Variants in PDE8A observed in about 807,000 individuals in gnomAD.
PDE8A encodes the protein phosphodiesterase 8A.
Under a neutral mutation model 105.0 loss-of-function variants are expected in PDE8A, and 59 were observed. The ratio of observed to expected loss-of-function variants is 0.56; its 90% CI spans 0.46 to 0.70. The LOEUF (loss-of-function observed/expected upper bound fraction) is 0.70. Among genes scored for constraint, PDE8A ranks in the 30% least tolerant of loss-of-function variants. The pLI, the probability that PDE8A is intolerant of heterozygous loss-of-function variation, is 0.00. For missense variants in PDE8A, 1,014 were observed against 1,045.9 expected, an observed-to-expected ratio of 0.97 and a Z score of 0.42; for synonymous variants, 355 against 371.9, an observed-to-expected ratio of 0.95 and a Z score of 0.52.
At chr15:85,010,252 T>C (rs1330393263) in intron 1 of PDE8A, among the ~76,000 whole-genome samples, 1 of 152,240 alleles carries the variant, frequency 6.6e-6, no homozygotes, top group Non-Finnish European at 1.5e-5. Flanking sequence ...TTCTTTTCTG[T>C]AAGTATGTTA....
intron 17 of PDE8A, among the ~76,000 whole-genome samples, chr15:85,119,989 T>C (rs2082155776): frequency 6.6e-6 from 1 of 152,050 alleles, no homozygotes; most frequent in South Asian, 2.1e-4. Flanking sequence ...ATAGGTGAAG[T>C]TCTAGCCAAA....
At chr15:85,033,292 T>C (rs2080646759) in intron 1 of PDE8A, among the ~76,000 whole-genome samples, 1 of 152,174 alleles carries the variant, frequency 6.6e-6, no homozygotes, top group South Asian at 2.1e-4. Flanking sequence ...GGAGCTTCCC[T>C]GCAGTTAGTT....
chr15:85,027,299 A>G (rs1195862424), intron 1 of PDE8A, among the ~76,000 whole-genome samples: 1 of 152,182 alleles, frequency 6.6e-6, no homozygotes, highest in Non-Finnish European at 1.5e-5. Flanking sequence ...AATGAAGAGG[A>G]CATACTTCTT....
At chr15:85,101,563 A>G (rs2081862682) in intron 11 of PDE8A, among the ~76,000 whole-genome samples, 1 of 152,192 alleles carries the variant, frequency 6.6e-6, no homozygotes, top group Admixed American at 6.5e-5. Flanking sequence ...ATCTGTGGAC[A>G]GTGGGAGTCT....
chr15:85,122,698 G>A (rs2082200404), intron 18 of PDE8A, among the ~76,000 whole-genome samples: 1 of 152,134 alleles, frequency 6.6e-6, no homozygotes, highest in Non-Finnish European at 1.5e-5. Flanking sequence ...CTATGATTTC[G>A]CAGCTTTCAG....
Position 85,115,973 on chromosome 15 carries a change from T to C in PDE8A, c.1400-11T>C. The C allele has an allele frequency of 6.3e-7, 1 of 1,593,696 alleles. No individual in the cohort carries two copies. Among genetic ancestry groups the C allele is most frequent in the South Asian group, 1.1e-5 (1 of 89,922 alleles). ...AAGCCTATTTGTTCTCCAAATTACA[T>C]CACTTTACAGACACTCAAATGGTTT... On this transcript the variant is annotated splice_polypyrimidine_tract_variant and intron_variant, in intron 15 of 21. Coordinates refer to ENST00000394553, the MANE Select transcript of PDE8A (RefSeq NM_002605.3).
chr15:85,097,955 A>G lies in PDE8A; in HGVS notation c.860A>G (p.Gln287Arg). 1 of 1,561,984 alleles carries G rather than the reference A, an allele frequency of 6.4e-7. No individual in the cohort carries two copies. Among genetic ancestry groups the G allele is most frequent in the Non-Finnish European group, 8.8e-7 (1 of 1,132,920 alleles). ...CTTACATTCCATTTATAGGAGTGGC[A>G]AGGAATTTACTATGCCAAAAAGAAA... ...NSCIRIGKEW[Q>R]GIYYAKKKNG... Residue 287 changes from glutamine to arginine, a missense_variant, in exon 9 of 22, where the codon CAA becomes CGA. Physicochemically the swap from Gln to Arg is conservative, Grantham distance 43. Coordinates refer to ENST00000394553, the MANE Select transcript of PDE8A (RefSeq NM_002605.3).
At chr15:85,044,546 A>C (rs2080859373) in intron 1 of PDE8A, among the ~76,000 whole-genome samples, 1 of 152,224 alleles carries the variant, frequency 6.6e-6, no homozygotes, top group African/African-American at 2.4e-5. Context: ...TCCATGCCAC[A>C]ATGATAGAAA....
At chr15:85,006,825 A>G (rs1006800104) in intron 1 of PDE8A, among the ~76,000 whole-genome samples, 1 of 152,140 alleles carries the variant, frequency 6.6e-6, no homozygotes, top group Non-Finnish European at 1.5e-5. Context: ...GGGCATGTAT[A>G]TGATGTCCCT....
At chr15:85,044,304 A>G (rs1281429426) in intron 1 of PDE8A, among the ~76,000 whole-genome samples, 1 of 152,182 alleles carries the variant, frequency 6.6e-6, no homozygotes, top group East Asian at 1.9e-4. Flanking sequence ...CACAAGGTTC[A>G]CAGTAAATAT....
At chr15:85,108,747 G>A (rs1351884240) in intron 11 of PDE8A, among the ~76,000 whole-genome samples, 4 of 152,024 alleles carry the variant, frequency 2.6e-5, no homozygotes, top group Admixed American at 2.0e-4. Context: ...CAATTATATA[G>A]AAATATAATA....
In PDE8A at chr15:85,126,362, A is replaced by G. The variant is rs376605008; in HGVS notation, c.2241A>G (p.Glu747=). The G allele has an allele frequency of 1.0e-5, 16 of 1,579,512 alleles. No individual in the cohort carries two copies. The Admixed American group carries it at 1.7e-4, about 17-fold the overall frequency. Reference sequence around the variant, plus strand: ...AGTGGGCTGCACGCATTTCGGAAGAATATTTTTCTCAGGTAAGTTGCTGCC... The same window carrying G: ...AGTGGGCTGCACGCATTTCGGAAGAGTATTTTTCTCAGGTAAGTTGCTGCC... ...CIEWAARISE[E]YFSQTDEEKQ... is the part of the protein sequence containing the mutation. The change falls in exon 20 of 22, where the codon GAA becomes GAG. Residue 747 remains glutamate (E), a synonymous_variant. Coordinates refer to ENST00000394553, the MANE Select transcript of PDE8A (RefSeq NM_002605.3).
chr15:85,064,837 G>T (rs145219155), intron 2 of PDE8A, among the ~76,000 whole-genome samples: 74 of 151,998 alleles, frequency 4.9e-4, no homozygotes, highest in African/African-American at 1.7e-3. Context: ...GGACATGGGG[G>T]TGTGTGTGCC....
intron 9 of PDE8A, chr15:85,099,772 T>C (rs2081827222): frequency 2.0e-6 from 1 of 502,968 alleles, no homozygotes; most frequent in Admixed American, 3.8e-5. Context: ...TATATTTGAT[T>C]GTCTCATGAT....
intron 17 of PDE8A, among the ~76,000 whole-genome samples, chr15:85,119,556 T>A (rs2082149859): frequency 6.6e-6 from 1 of 151,078 alleles, no homozygotes; most frequent in Non-Finnish European, 1.5e-5. Flanking sequence ...TTAATTTAAA[T>A]CAATTTAAAT....
At position 85,138,279 on chromosome 15, in the gene PDE8A, G is replaced by A. The variant is rs892619771; in HGVS notation, c.*376G>A. 1.2e-5 allele frequency: 2 copies of A among 168,014 alleles called. No homozygotes were observed. Among genetic ancestry groups the A allele is most frequent in the Non-Finnish European group, 2.6e-5 (2 of 78,382 alleles). 10.4% of individuals were successfully genotyped at this position (168,014 alleles called of 1,614,324 possible). A position where few individuals can be genotyped will look rare whatever the true frequency, so the allele number is the denominator to read the frequency against. Reference sequence around the variant, plus strand: ...TCTCTCAGTTACGTTCAGCACTTAAGAACGGCTAATGGCAATAGGATCTTT... The same window carrying A: ...TCTCTCAGTTACGTTCAGCACTTAAAAACGGCTAATGGCAATAGGATCTTT... On this transcript the variant is annotated 3_prime_UTR_variant, in exon 22 of 22. Coordinates refer to ENST00000394553, the MANE Select transcript of PDE8A (RefSeq NM_002605.3).
intron 15 of PDE8A, 55 bp from the exon 16 acceptor site, chr15:85,115,929 A>C: frequency 6.5e-7 from 1 of 1,542,108 alleles, no homozygotes; most frequent in East Asian, 2.3e-5. Context: ...CAAAAAAAAA[A>C]AAAAAAGTTA....
chr15:85,112,776 C>T lies in PDE8A; in HGVS notation c.1115-601C>T, dbSNP rs1376305121. ...TTCTGCCTATATTGCCTGGGCTTCT[C>T]CTCACCCCAAAGGAACCATATCTTG... On this transcript the variant is annotated intron_variant, in intron 12 of 21. Transcript: ENST00000394553. Among the ~76,000 whole-genome samples the T allele has an allele frequency of 2.0e-5, 3 of 152,176 alleles. No homozygotes were observed. In the East Asian group the frequency reaches 5.8e-4, roughly 29 times the overall value.
At chr15:85,044,680 T>A (rs2080861031) in intron 1 of PDE8A, among the ~76,000 whole-genome samples, 1 of 152,246 alleles carries the variant, frequency 6.6e-6, no homozygotes, top group South Asian at 2.1e-4. Flanking sequence ...TCTGTTTATC[T>A]CTGTGGCCGG....
Sources: allele counts gnomAD v4.1 joint callset (sites outside exome capture counted in the v4.1 genomes callset), GRCh38; gene constraint gnomAD v4.1.1; transcripts MANE v1.5; gene names NCBI Gene and HGNC (gene_info 2026-07-23, HGNC 2026-07-21).